Variants in TRAPPC6B observed in about 807,000 individuals in gnomAD.
The protein encoded by TRAPPC6B is TRAPP complex subunit 6B.
Under a neutral mutation model 24.7 loss-of-function variants are expected in TRAPPC6B, and 27 were observed. The ratio of observed to expected loss-of-function variants is 1.09; its 90% confidence interval spans 0.81 to 1.51. TRAPPC6B has a LOEUF of 1.51. Ranked by LOEUF, TRAPPC6B falls within the 40% of genes most tolerant of loss-of-function variation. The pLI is 0.00. For synonymous variants in TRAPPC6B, 80 were observed against 66.6 expected (o/e 1.20, Z -0.98); for missense variants, 212 against 190.8 (o/e 1.11, Z -0.66).
At chr14:39,165,386 A>C (rs934473753) in intron 1 of TRAPPC6B, among the ~76,000 whole-genome samples, 1 of 152,080 alleles carries the variant, frequency 6.6e-6, no homozygotes, top group Non-Finnish European at 1.5e-5. Flanking sequence ...ATTCTCCCAG[A>C]TGGCTTCCCT....
Position 39,150,032 on chromosome 14 carries a change from T to C in TRAPPC6B, c.*318A>G. On this transcript the variant is annotated 3_prime_UTR_variant, in exon 6 of 6. Transcript: ENST00000330149. The stretch of plus-strand genomic sequence containing the variant: ...GTACATAATTTTCTCTCATGCTAAT[T>C]CAACAAACCCTGAGCTTTGTTTCTC... 4.7e-6 allele frequency: 1 copy of C among 212,180 alleles called. No homozygotes were observed. Among genetic ancestry groups the C allele is most frequent in the Non-Finnish European group, 9.3e-6 (1 of 107,656 alleles). 13.1% of individuals were successfully genotyped at this position (212,180 alleles called of 1,614,324 possible). A position where few individuals can be genotyped will look rare whatever the true frequency, so the allele number is the denominator to read the frequency against.
rs142144084 is a variant in TRAPPC6B at position 39,148,669 on chromosome 14, T to C, written c.*1681A>G. ...GGTCATTATGACTTTTAATAAACTTTATACATGTATATTTGGTAGGAACTT... is the reference window on the plus strand; with the variant it reads ...GGTCATTATGACTTTTAATAAACTTCATACATGTATATTTGGTAGGAACTT... On this transcript the variant is annotated 3_prime_UTR_variant, in exon 6 of 6. Transcript: ENST00000330149. The C allele has an allele frequency of 2.5e-4, 98 of 398,534 alleles. No individual in the cohort carries two copies. Among genetic ancestry groups the C allele is most frequent in the African/African-American group, 1.7e-3 (82 of 48,756 alleles). The allele number at this position is 398,534 out of a possible 1,614,324, so 24.7% of individuals were successfully genotyped here. A position where few individuals can be genotyped will look rare whatever the true frequency, so the allele number is the denominator to read the frequency against.
chr14:39,169,909 C>A, intron 1 of TRAPPC6B, 106 bp downstream of exon 1: 1 of 1,106,104 alleles, frequency 9.0e-7, no homozygotes, highest in Non-Finnish European at 1.4e-6. Flanking sequence ...TTGTGTACAC[C>A]TCGGGAGGCG....
intron 1 of TRAPPC6B, among the ~76,000 whole-genome samples, chr14:39,167,779 A>T (rs1053047520): frequency 1.1e-4 from 17 of 152,198 alleles, no homozygotes; most frequent in Non-Finnish European, 2.2e-4. Flanking sequence ...CAAAACTATG[A>T]ACTTCCTTTC....
In TRAPPC6B at chr14:39,158,324, T is replaced by A; in HGVS notation, c.228A>T (p.Val76=). 1 of 1,602,896 alleles carries A rather than the reference T, an allele frequency of 6.2e-7. No individual in the cohort carries two copies. The highest frequency in any genetic ancestry group is 1.1e-5 in the South Asian group (1 of 88,140). The change falls in exon 3 of 6, where the codon GTA becomes GTT. Residue 76 remains valine (V), a synonymous_variant. Coordinates refer to ENST00000330149, the MANE Select transcript of TRAPPC6B (RefSeq NM_001079537.2). ...TTAGATTGTCGATTTGTTTCTTGAA[T>A]ACCGTAGTCCAAAAATCTTTACAAA... ...KFICKDFWTT[V]FKKQIDNLRT...
intron 2 of TRAPPC6B, chr14:39,158,714 T>C (rs931501918): frequency 1.6e-5 from 3 of 187,508 alleles, no homozygotes; most frequent in African/African-American, 7.1e-5. Flanking sequence ...AGAGACAGGG[T>C]TCCACTTTGT....
intron 1 of TRAPPC6B, among the ~76,000 whole-genome samples, chr14:39,161,912 G>T (rs952618520): frequency 6.6e-6 from 1 of 152,184 alleles, no homozygotes; most frequent in Admixed American, 6.5e-5. Context: ...TCCCAGGCCC[G>T]TAGCGATGAG....
At chr14:39,155,935 C>T (rs2052972592) in intron 3 of TRAPPC6B, among the ~76,000 whole-genome samples, 1 of 152,036 alleles carries the variant, frequency 6.6e-6, no homozygotes, top group African/African-American at 2.4e-5. Context: ...ACCTCAGGCA[C>T]ATACCAATAT....
At chr14:39,153,216 C>T (rs1380401119) in intron 4 of TRAPPC6B, among the ~76,000 whole-genome samples, 1 of 149,398 alleles carries the variant, frequency 6.7e-6, no homozygotes, top group Non-Finnish European at 1.5e-5. Flanking sequence ...CACTTGAACC[C>T]AGGAGGCAGA....
intron 1 of TRAPPC6B, among the ~76,000 whole-genome samples, chr14:39,166,291 A>C (rs2053108186): frequency 6.6e-6 from 1 of 152,016 alleles, no homozygotes; most frequent in Middle Eastern, 3.2e-3. Context: ...GTTCAGCTAG[A>C]ATAAGTGTCT....
intron 1 of TRAPPC6B, among the ~76,000 whole-genome samples, chr14:39,169,481 A>G (rs1029761064): frequency 6.6e-6 from 1 of 152,216 alleles, no homozygotes; most frequent in Non-Finnish European, 1.5e-5. Context: ...CTAAATAAAT[A>G]CTTTCTGAAA....
chr14:39,169,284 T>C (rs929722648), intron 1 of TRAPPC6B, among the ~76,000 whole-genome samples: 7 of 152,174 alleles, frequency 4.6e-5, no homozygotes, highest in African/African-American at 1.7e-4. Context: ...ATTTAATTTA[T>C]CTAGCAGTGT....
At position 39,151,739 on chromosome 14, in the gene TRAPPC6B, A is replaced by C; in HGVS notation, c.445+7T>G. 6.4e-7 allele frequency: 1 copy of C among 1,563,384 alleles called. No individual in the cohort carries two copies. The highest frequency in any genetic ancestry group is 8.6e-7 in the Non-Finnish European group (1 of 1,159,054). On this transcript the variant is annotated splice_region_variant and intron_variant, in intron 5 of 5. Coordinates refer to ENST00000330149, the MANE Select transcript of TRAPPC6B (RefSeq NM_001079537.2). The stretch of plus-strand genomic sequence containing the variant: ...AAACATTTGTAAGAAAGGCGAATTC[A>C]ACTTACAAGCAGGCATTGAAGACAC...
chr14:39,168,346 G>A (rs767457224), intron 1 of TRAPPC6B, among the ~76,000 whole-genome samples: 1 of 152,088 alleles, frequency 6.6e-6, no homozygotes, highest in East Asian at 1.9e-4. Context: ...TGTGTTAACT[G>A]TTCTAGAGGG....
intron 3 of TRAPPC6B, among the ~76,000 whole-genome samples, chr14:39,155,982 AG>A (rs1218655423): frequency 6.6e-6 from 1 of 151,924 alleles, no homozygotes; most frequent in African/African-American, 2.4e-5. Flanking sequence ...TTGTAGAAAT[AG>A]GTTCTAAGTA....
chr14:39,152,816 C>A (rs2052930622), intron 4 of TRAPPC6B, among the ~76,000 whole-genome samples: 1 of 152,200 alleles, frequency 6.6e-6, no homozygotes, highest in South Asian at 2.1e-4. Context: ...CTTTTCACAG[C>A]TGAAGAAACC....
At chr14:39,150,443 C>T in intron 5 of TRAPPC6B, 62 bp from the exon 6 acceptor site, 1 of 1,251,358 alleles carries the variant, frequency 8.0e-7, no homozygotes, top group Non-Finnish European at 1.1e-6. Flanking sequence ...GTCTAAACAT[C>T]AATTTTCTGT....
intron 3 of TRAPPC6B, chr14:39,157,665 C>T (rs1001466731): frequency 5.0e-5 from 15 of 301,116 alleles, no homozygotes; most frequent in East Asian, 3.7e-4. Context: ...GCACCACTGT[C>T]GCCTTTACAC....
intron 4 of TRAPPC6B, among the ~76,000 whole-genome samples, chr14:39,153,266 A>G (rs1361475112): frequency 6.6e-6 from 1 of 151,876 alleles, no homozygotes; most frequent in Non-Finnish European, 1.5e-5. Context: ...AAAAAAAAAA[A>G]AAGAGAGAAA....
Sources: gnomAD v4.1 joint callset for allele counts (sites outside exome capture counted in the v4.1 genomes callset) on GRCh38, gnomAD v4.1.1 for gene constraint, MANE v1.5 for transcripts, NCBI Gene and HGNC (gene_info 2026-07-23, HGNC 2026-07-21) for gene names.